Variants in POLI observed in about 807,000 individuals in gnomAD.
The protein encoded by POLI is DNA polymerase iota.
In POLI, 58 loss-of-function variants were observed where a neutral mutation model predicts 51.6. That is an observed-to-expected ratio of 1.12 (90% CI 0.91 to 1.40). POLI has a LOEUF of 1.40. POLI is among the 40% of genes most tolerant of loss of function. The pLI is 0.00. For missense variants in POLI, 921 were observed against 871.3 expected (o/e 1.06, Z -0.72); for synonymous variants, 322 against 299.7 (o/e 1.07, Z -0.77).
At chr18:54,318,210 G>A (rs763367241) in intron 3 of POLI, among the ~76,000 whole-genome samples, 2 of 151,856 alleles carry the variant, frequency 1.3e-5, no homozygotes, top group Admixed American at 6.6e-5. Context: ...TCTTTATATC[G>A]TAGTTTATTC....
In POLI at chr18:54,295,389, T is replaced by C; in HGVS notation, c.*922T>C. ...TCCCATTGTTATTGCCTTCCTCTTT[T>C]GCCTGCTAAACTAAAAATTGGATAT... On this transcript the variant is annotated 3_prime_UTR_variant, in exon 10 of 10. Coordinates refer to ENST00000579534, the MANE Select transcript of POLI (RefSeq NM_007195.3). 12 of 982,590 alleles carry C rather than the reference T, an allele frequency of 1.2e-5. No homozygotes were observed. Among genetic ancestry groups the C allele is most frequent in the Non-Finnish European group, 1.5e-5 (12 of 827,336 alleles). 60.9% of individuals were successfully genotyped at this position (982,590 alleles called of 1,614,324 possible).
rs1488565099 is a variant in POLI, at chr18:54,296,205, T to A, written c.*1738T>A. ...AGTCCTTGTAATGATTTCAGGACCT[T>A]GGACAGCTAGAAGGGGCTTAAGAAA... On this transcript the variant is annotated 3_prime_UTR_variant, in exon 10 of 10. Transcript: ENST00000579534. 6 of 985,096 alleles carry A rather than the reference T, an allele frequency of 6.1e-6. No homozygotes were observed. Among genetic ancestry groups the A allele is most frequent in the Non-Finnish European group, 7.2e-6 (6 of 829,768 alleles). 61.0% of individuals were successfully genotyped at this position (985,096 alleles called of 1,614,324 possible).
intron 3 of POLI, among the ~76,000 whole-genome samples, chr18:54,319,771 C>T (rs1055733194): frequency 3.9e-5 from 6 of 152,062 alleles, no homozygotes; most frequent in Non-Finnish European, 8.8e-5. Context: ...CATGCAGTAC[C>T]TGGTATTATT....
chr18:54,320,390 C>A (rs143177074), exon 4 of POLI: 1 of 152,252 alleles, frequency 6.6e-6, no homozygotes, highest in Admixed American at 6.5e-5. Flanking sequence ...AAAGGAGTTT[C>A]AAGTGAGTGC....
rs141643734 is a variant in POLI, at chr18:54,295,023, A to G, written c.*556A>G. On this transcript the variant is annotated 3_prime_UTR_variant, in exon 10 of 10. Transcript: ENST00000579534. ...TCATACACCAAGAATCTACCACAAT[A>G]CACAGCACACAAAGGCCGTTCAATA... 8.0e-4 allele frequency: 792 copies of G among 985,364 alleles called. 6 individuals carry two copies. In the African/African-American group the frequency reaches 0.013, roughly 16 times the overall value. The allele number at this position is 985,364 out of a possible 1,614,324, so 61.0% of individuals were successfully genotyped here. A position where few individuals can be genotyped will look rare whatever the true frequency, so the allele number is the denominator to read the frequency against.
chr18:54,297,512 G>C lies in POLI; in HGVS notation c.*3045G>C. ...AACTCTAAAAAGTATCTATTCCACT[G>C]TAGTGCCAAAGTACAAATTTATTTG... On this transcript the variant is annotated 3_prime_UTR_variant, in exon 10 of 10. Transcript: ENST00000579534. 4.1e-6 allele frequency: 4 copies of C among 981,516 alleles called. No homozygotes were observed. Among genetic ancestry groups the C allele is most frequent in the Non-Finnish European group, 4.8e-6 (4 of 826,592 alleles). 60.8% of individuals were successfully genotyped at this position (981,516 alleles called of 1,614,324 possible).
downstream of POLI, among the ~76,000 whole-genome samples, chr18:54,301,301 T>A (rs548839704): frequency 6.6e-6 from 1 of 151,964 alleles, no homozygotes; most frequent in Admixed American, 6.6e-5. Flanking sequence ...CACAAAGATT[T>A]GAATACTTTT....
intron 8 of POLI, among the ~76,000 whole-genome samples, chr18:54,288,229 G>A (rs772584599): frequency 6.6e-6 from 1 of 152,094 alleles, no homozygotes; most frequent in Non-Finnish European, 1.5e-5. Context: ...TTGTTCTAGC[G>A]GTATATAGTA....
chr18:54,304,202 G>A (rs1323451808), intron 3 of POLI, among the ~76,000 whole-genome samples: 1 of 152,126 alleles, frequency 6.6e-6, no homozygotes, highest in Non-Finnish European at 1.5e-5. Flanking sequence ...GCTATAGTGA[G>A]TAGTGACACA....
chr18:54,309,439 G>A (rs1305634380), intron 3 of POLI, among the ~76,000 whole-genome samples: 1 of 152,204 alleles, frequency 6.6e-6, no homozygotes, highest in Non-Finnish European at 1.5e-5. Context: ...AAATATTGCT[G>A]CCTGATCCTT....
At chr18:54,313,935 C>G (rs1199028254) in intron 3 of POLI, among the ~76,000 whole-genome samples, 2 of 151,946 alleles carry the variant, frequency 1.3e-5, no homozygotes, top group African/African-American at 4.8e-5. Context: ...GTTTGGATAC[C>G]CTTTATTCCT....
intron 3 of POLI, among the ~76,000 whole-genome samples, chr18:54,310,687 C>T (rs1027018322): frequency 7.9e-5 from 12 of 151,918 alleles, no homozygotes; most frequent in Non-Finnish European, 1.6e-4. Flanking sequence ...CTAAAGTCCT[C>T]AAATATTGAA....
chr18:54,289,327 C>T (rs2087889151), intron 8 of POLI, among the ~76,000 whole-genome samples: 2 of 151,746 alleles, frequency 1.3e-5, no homozygotes, highest in Admixed American at 1.3e-4. Context: ...AGTCTGGAAG[C>T]CGTCTACCTC....
At chr18:54,292,081 AT>A in intron 9 of POLI, 43 bp downstream of exon 9, 1 of 1,147,896 alleles carries the variant, frequency 8.7e-7, no homozygotes, top group Non-Finnish European at 1.3e-6. Context: ...GTATACTCTT[AT>A]GGGATTTGTG....
At chr18:54,271,510 T>G in intron 2 of POLI, 25 bp downstream of exon 2, 4 of 1,438,776 alleles carry the variant, frequency 2.8e-6, no homozygotes, top group Non-Finnish European at 3.8e-6. Flanking sequence ...ATAATATTTT[T>G]AATTGCATAA....
rs1465958576 is a variant in POLI at position 54,319,804 on chromosome 18, A to ATTAT, written c.334-465_334-462dup. The stretch of plus-strand genomic sequence containing the variant: ...ATTTCCTTTTAATTTGTTTGCTATT[A>ATTAT]TTATTTACATTTTACCTTAAATAGG... On this transcript the variant is annotated intron_variant, in intron 3 of 4. Coordinates refer to the POLI transcript ENST00000579823. Among the ~76,000 whole-genome samples, 4 of 152,256 alleles carry ATTAT rather than the reference A, an allele frequency of 2.6e-5. No homozygotes were observed. In the East Asian group the frequency reaches 5.8e-4, roughly 22 times the overall value.
Position 54,283,907 on chromosome 18 carries a change from A to G in POLI, c.976-15A>G, listed in dbSNP as rs757902097. ...TTTGAGTTTGTGCTAATCCTTATTT[A>G]TGCTTCTTTGATAGTCCTTTAGTGA... is the stretch of plus-strand genomic sequence containing the variant. On this transcript the variant is annotated splice_polypyrimidine_tract_variant and intron_variant, in intron 6 of 9. Coordinates refer to ENST00000579534, the MANE Select transcript of POLI (RefSeq NM_007195.3). 1 of 985,216 alleles carries G rather than the reference A, an allele frequency of 1.0e-6. No individual in the cohort carries two copies. The allele number at this position is 985,216 out of a possible 1,614,324, so 61.0% of individuals were successfully genotyped here.
chr18:54,283,159 T>C (rs1348046423), intron 6 of POLI, 144 bp downstream of exon 6: 2 of 524,644 alleles, frequency 3.8e-6, no homozygotes, highest in South Asian at 3.6e-5. Context: ...TTATTATTAA[T>C]AGATTGGATT....
intron 8 of POLI, among the ~76,000 whole-genome samples, chr18:54,288,852 T>C (rs1002536803): frequency 6.6e-6 from 1 of 152,130 alleles, no homozygotes; most frequent in South Asian, 2.1e-4. Context: ...TTGTAGTCAT[T>C]ATATTTTACT....
Sources: allele counts gnomAD v4.1 joint callset (sites outside exome capture counted in the v4.1 genomes callset), GRCh38; gene constraint gnomAD v4.1.1; transcripts MANE v1.5; gene names NCBI Gene and HGNC (gene_info 2026-07-23, HGNC 2026-07-21).